CHST6: variants seen among roughly 807,000 people sequenced by gnomAD.
CHST6 encodes the protein carbohydrate sulfotransferase 6.
For missense variants in CHST6, 698 were observed against 586.2 expected, an observed-to-expected ratio of 1.19 and a Z score of -1.97; for synonymous variants, 309 against 276.4, an observed-to-expected ratio of 1.12 and a Z score of -1.17.
chr16:75,488,744 G>T (rs1486149967), intron 1 of CHST6, among the ~76,000 whole-genome samples: 1 of 152,044 alleles, frequency 6.6e-6, no homozygotes, highest in Non-Finnish European at 1.5e-5. Flanking sequence ...AGCACTTTGG[G>T]AGGCCAAGGT....
chr16:75,478,379 C>A lies in CHST6; in HGVS notation c.*262G>T. On this transcript the variant is annotated 3_prime_UTR_variant, in exon 3 of 3. Coordinates refer to ENST00000332272, the MANE Select transcript of CHST6 (RefSeq NM_021615.5). ...GTAGGAGCCAAGTCATCTGAACGCACACCCTGTGCCCAGAGGAGGAGGGGC... is the reference window on the plus strand; with the variant it reads ...GTAGGAGCCAAGTCATCTGAACGCAAACCCTGTGCCCAGAGGAGGAGGGGC... 3.9e-6 allele frequency: 2 copies of A among 509,010 alleles called. No homozygotes were observed. Among genetic ancestry groups the A allele is most frequent in the Non-Finnish European group, 7.0e-6 (2 of 284,882 alleles). 31.5% of individuals were successfully genotyped at this position (509,010 alleles called of 1,614,324 possible). A position where few individuals can be genotyped will look rare whatever the true frequency, so the allele number is the denominator to read the frequency against.
chr16:75,482,065 G>A (rs2151667997), intron 1 of CHST6, among the ~76,000 whole-genome samples, 174 bp from the exon 2 acceptor site: 1 of 152,284 alleles, frequency 6.6e-6, no homozygotes, highest in East Asian at 1.9e-4. Flanking sequence ...GCCTGGGAAA[G>A]CATTCCTTAC....
intron 1 of CHST6, among the ~76,000 whole-genome samples, chr16:75,492,806 G>A (rs546908841): frequency 6.6e-5 from 10 of 152,144 alleles, no homozygotes; most frequent in African/African-American, 1.7e-4. Flanking sequence ...CTGAGATCAC[G>A]CCACTGCACT....
At chr16:75,490,319 G>A (rs1027738900) in intron 1 of CHST6, among the ~76,000 whole-genome samples, 1 of 150,588 alleles carries the variant, frequency 6.6e-6, no homozygotes, top group African/African-American at 2.4e-5. Flanking sequence ...TCTCTACTAA[G>A]AATACAAAAT....
At position 75,478,129 on chromosome 16, in the gene CHST6, G is replaced by C. The variant is rs1171187725; in HGVS notation, c.*512C>G. ...TATCCACTGGAGACCCAGAGCAAAA[G>C]CTCTCTCCTCCCTTCATCCTCCTTC... On this transcript the variant is annotated 3_prime_UTR_variant, in exon 3 of 3. Transcript: ENST00000332272. 5.3e-6 allele frequency: 1 copy of C among 188,554 alleles called. No homozygotes were observed. Among genetic ancestry groups the C allele is most frequent in the East Asian group, 1.3e-4 (1 of 7,650 alleles). 11.7% of individuals were successfully genotyped at this position (188,554 alleles called of 1,614,324 possible).
chr16:75,489,616 G>C (rs1652067977), intron 1 of CHST6, among the ~76,000 whole-genome samples: 1 of 151,776 alleles, frequency 6.6e-6, no homozygotes, highest in South Asian at 2.1e-4. Flanking sequence ...CACACAGTTG[G>C]CTGGGTGTTA....
rs368343224 is a variant in CHST6, at chr16:75,478,894, G to A, written c.935C>T (p.Pro312Leu). The part of the protein sequence containing the change: ...WIHNITHGSG[P>L]GARREAFKTS... ...CTTGAAGGCTTCGCGGCGCGCACCA[G>A]GTCCAGATCCGTGGGTGATGTTATG... Residue 312 changes from proline to leucine, a missense_variant, in exon 3 of 3, where the codon CCT (proline) becomes CTT (leucine). Physicochemically the swap from Pro to Leu is moderately conservative, Grantham distance 98. Transcript: ENST00000332272. 7 of 1,613,250 alleles carry A rather than the reference G, an allele frequency of 4.3e-6. No individual in the cohort carries two copies. Among genetic ancestry groups the A allele is most frequent in the Admixed American group, 1.7e-5 (1 of 60,008 alleles).
chr16:75,491,997 C>G (rs1032938656), intron 1 of CHST6, among the ~76,000 whole-genome samples: 1 of 152,220 alleles, frequency 6.6e-6, no homozygotes. Flanking sequence ...CAAGCCCTGG[C>G]CACATCTGCC....
intron 1 of CHST6, among the ~76,000 whole-genome samples, chr16:75,494,622 A>G (rs1366187693): frequency 1.3e-5 from 2 of 152,190 alleles, no homozygotes; most frequent in African/African-American, 2.4e-5. Flanking sequence ...CCGTCTCTCA[A>G]TAATTCTATG....
intron 1 of CHST6, among the ~76,000 whole-genome samples, chr16:75,484,332 G>A (rs1356928730): frequency 2.0e-5 from 3 of 151,330 alleles, no homozygotes; most frequent in South Asian, 2.1e-4. Flanking sequence ...GCGAGACTCC[G>A]TCTCAAAAAG....
intron 1 of CHST6, among the ~76,000 whole-genome samples, chr16:75,491,194 T>A (rs1342381673): frequency 0.032 from 1,934 of 59,996 alleles, 34 homozygotes; most frequent in Non-Finnish European, 0.051. Flanking sequence ...AAAAAAAATA[T>A]ATATATATAT....
intron 1 of CHST6, among the ~76,000 whole-genome samples, chr16:75,493,111 A>G (rs1453544006): frequency 6.6e-6 from 1 of 152,114 alleles, no homozygotes; most frequent in Non-Finnish European, 1.5e-5. Flanking sequence ...CTGTCTCATT[A>G]AAGACAGTAG....
chr16:75,494,728 G>T (rs547844139), intron 1 of CHST6, among the ~76,000 whole-genome samples: 1 of 152,338 alleles, frequency 6.6e-6, no homozygotes, highest in East Asian at 1.9e-4. Flanking sequence ...ATTCTCCTGC[G>T]CAGCCGAAGC....
chr16:75,478,825 T>G lies in CHST6; in HGVS notation c.1004A>C (p.His335Pro). The G allele has an allele frequency of 6.2e-7, 1 of 1,613,416 alleles. No individual in the cohort carries two copies. The highest frequency in any genetic ancestry group is 8.5e-7 in the Non-Finnish European group (1 of 1,179,966). The change falls in exon 3 of 3, where the codon CAT becomes CCT. Residue 335 changes from histidine to proline, a missense_variant. Transcript: ENST00000332272. Reference protein sequence around the residue: ...NALNVSQAWRHALPFAKIRRV... With the variant: ...NALNVSQAWRPALPFAKIRRV... ...GCGGATCTTGGCAAAGGGCAGCGCA[T>G]GGCGCCAGGCCTGGGAGACGTTGAG...
rs1597468412 is a variant in CHST6 at position 75,475,580 on chromosome 16, T to G, written c.*3061A>C. ...AAGACATACGTGATCAGCACAAGTA[T>G]GTACCTACCCAGCCCTGGCTTTACT... is the stretch of plus-strand genomic sequence containing the variant. On this transcript the variant is annotated 3_prime_UTR_variant, in exon 3 of 3. Transcript: ENST00000332272. 6.6e-6 allele frequency: 1 copy of G among 152,230 alleles called. No homozygotes were observed. The highest frequency in any genetic ancestry group is 1.9e-4 in the East Asian group (1 of 5,198). 9.4% of individuals were successfully genotyped at this position (152,230 alleles called of 1,614,324 possible).
At chr16:75,481,511 G>A (rs866602492) in intron 2 of CHST6, among the ~76,000 whole-genome samples, 1 of 151,740 alleles carries the variant, frequency 6.6e-6, no homozygotes, top group Non-Finnish European at 1.5e-5. Context: ...CGTGAAAATC[G>A]CTTGAACCCG....
At position 75,474,905 on chromosome 16, in the gene CHST6, C is replaced by A. The variant is rs1025822543; in HGVS notation, c.*3736G>T. ...CTGCCTCCTGGGTTCAAGCGATTCTCCTGTCTCAGCCTCCCAAGTAGCTGG... is the reference window on the plus strand; with the variant it reads ...CTGCCTCCTGGGTTCAAGCGATTCTACTGTCTCAGCCTCCCAAGTAGCTGG... On this transcript the variant is annotated 3_prime_UTR_variant, in exon 3 of 3. Transcript: ENST00000332272. The A allele has an allele frequency of 2.4e-5, 9 of 373,460 alleles. No individual in the cohort carries two copies. The highest frequency in any genetic ancestry group is 4.3e-5 in the Non-Finnish European group (9 of 210,604). The allele number at this position is 373,460 out of a possible 1,614,324, so 23.1% of individuals were successfully genotyped here.
rs549222539 is a variant in CHST6, at chr16:75,490,331, A to C, written c.-92+4609T>G. On this transcript the variant is annotated intron_variant, in intron 1 of 2. Transcript: ENST00000332272. Reference sequence around the variant, plus strand: ...CCGTCTCTACTAAGAATACAAAATTAGCCAGGCATGGTGGCGCATGCCTGT... The same window carrying C: ...CCGTCTCTACTAAGAATACAAAATTCGCCAGGCATGGTGGCGCATGCCTGT... 1.7e-4 allele frequency among the ~76,000 whole-genome samples: 26 copies of C among 152,186 alleles called. No individual in the cohort carries two copies. In the South Asian group the frequency reaches 5.4e-3, roughly 32 times the overall value.
Position 75,479,584 on chromosome 16 carries a change from T to A in CHST6, c.245A>T (p.Gln82Leu). ...PAWHVWTTLS[Q>L]GSAATLHMAV... ...CATGTGCAGCGTTGCGGCGCTGCCC[T>A]GCGACAGGGTGGTCCACACGTGCCA... Residue 82 changes from glutamine (Q) to leucine (L), a missense_variant, in exon 3 of 3, where the codon CAG (glutamine) becomes CTG (leucine). Coordinates refer to ENST00000332272, the MANE Select transcript of CHST6 (RefSeq NM_021615.5). 6.2e-7 allele frequency: 1 copy of A among 1,612,970 alleles called. No homozygotes were observed. The highest frequency in any genetic ancestry group is 8.5e-7 in the Non-Finnish European group (1 of 1,179,878).
Sources: gnomAD v4.1 joint callset for allele counts (sites outside exome capture counted in the v4.1 genomes callset) on GRCh38, gnomAD v4.1.1 for gene constraint, MANE v1.5 for transcripts, NCBI Gene and HGNC (gene_info 2026-07-23, HGNC 2026-07-21) for gene names.